The following SFXN1 variants were observed in gnomAD, a reference collection of about 807,000 sequenced individuals.
SFXN1 encodes the protein sideroflexin-1.
A neutral mutation model predicts 39.5 loss-of-function variants in SFXN1; 32 were observed. The observed-to-expected ratio is 0.81, with a 90% CI of 0.61 to 1.09. SFXN1 has a LOEUF of 1.09. Among genes scored for constraint, SFXN1 ranks in the 50% least tolerant of loss-of-function variants. SFXN1 has a pLI of 0.00. For synonymous variants in SFXN1, 136 were observed against 146.5 expected (o/e 0.93, Z 0.52); for missense variants, 402 against 407.1 (o/e 0.99, Z 0.11).
At chr5:175,515,023 C>T (rs1760673248) in intron 7 of SFXN1, among the ~76,000 whole-genome samples, 1 of 151,646 alleles carries the variant, frequency 6.6e-6, no homozygotes, top group South Asian at 2.1e-4. Context: ...TTGTTGTCGT[C>T]GTTGTTTTTG....
chr5:175,525,775 A>G (rs1421127802), intron 10 of SFXN1: 1 of 151,846 alleles, frequency 6.6e-6, no homozygotes, highest in Non-Finnish European at 1.5e-5. Context: ...CACCTGTCTT[A>G]TTTTTTATTT....
At chr5:175,507,836 G>A (rs753832041) in intron 2 of SFXN1, among the ~76,000 whole-genome samples, 5 of 152,120 alleles carry the variant, frequency 3.3e-5, no homozygotes, top group Non-Finnish European at 7.4e-5. Context: ...AACCAGGCAT[G>A]GTGGCGCATG....
chr5:175,481,838 T>C (rs928865694), intron 1 of SFXN1, among the ~76,000 whole-genome samples: 2 of 152,134 alleles, frequency 1.3e-5, no homozygotes, highest in African/African-American at 4.8e-5. Flanking sequence ...AACTCTCTGA[T>C]CTATAATTCG....
At position 175,512,097 on chromosome 5, in the gene SFXN1, T is replaced by C; in HGVS notation, c.511-14T>C. ...AAAAATAAGATAAAGCTCTTGAAAT[T>C]TTCTCCTCTGCAGCATGTCTCACCA... On this transcript the variant is annotated splice_polypyrimidine_tract_variant and intron_variant, in intron 5 of 10. Transcript: ENST00000321442. 1.2e-6 allele frequency: 2 copies of C among 1,610,618 alleles called. No homozygotes were observed. The highest frequency in any genetic ancestry group is 1.3e-5 in the African/African-American group (1 of 74,888).
At chr5:175,507,650 G>T (rs934812771) in intron 2 of SFXN1, among the ~76,000 whole-genome samples, 9 of 152,172 alleles carry the variant, frequency 5.9e-5, no homozygotes, top group Admixed American at 2.6e-4. Context: ...AAGAAGTAAA[G>T]AATGAGGCAC....
chr5:175,516,303 T>C (rs1760714532), intron 7 of SFXN1, among the ~76,000 whole-genome samples: 1 of 152,182 alleles, frequency 6.6e-6, no homozygotes, highest in South Asian at 2.1e-4. Context: ...TTTATTAATA[T>C]AGGAAGAAAA....
At chr5:175,490,157 C>T (rs941046317) in intron 1 of SFXN1, among the ~76,000 whole-genome samples, 4 of 152,170 alleles carry the variant, frequency 2.6e-5, no homozygotes. Flanking sequence ...GGATGTTTCA[C>T]TCTTCACGTT....
At chr5:175,495,977 A>G (rs2940486) in intron 2 of SFXN1, among the ~76,000 whole-genome samples, 65,477 of 142,228 alleles carry the variant, frequency 0.46, 16,886 homozygotes, top group African/African-American at 0.71. Flanking sequence ...CTCGGCTCAC[A>G]GCAACCTCCG....
At chr5:175,526,252 A>C (rs1321264865) in intron 10 of SFXN1, among the ~76,000 whole-genome samples, 1 of 151,470 alleles carries the variant, frequency 6.6e-6, no homozygotes, top group Non-Finnish European at 1.5e-5. Flanking sequence ...CTGATTGCAT[A>C]TCTCTTTTTT....
intron 8 of SFXN1, 168 bp from the exon 9 acceptor site, chr5:175,521,751 A>G (rs1200648237): frequency 5.7e-6 from 3 of 525,970 alleles, no homozygotes; most frequent in South Asian, 3.8e-5. Context: ...AAAGAAGGTT[A>G]CAGGAAGTTA....
At chr5:175,518,864 G>T (rs991512198) in intron 8 of SFXN1, among the ~76,000 whole-genome samples, 2 of 152,114 alleles carry the variant, frequency 1.3e-5, no homozygotes, top group East Asian at 1.9e-4. Flanking sequence ...AACACAAAAA[G>T]CACAGTCCAT....
Position 175,516,644 on chromosome 5 carries a change from A to T in SFXN1, c.755A>T (p.Glu252Val). ...AIPPFIMNTL[E>V]KKAFLKRFPW... ...CCTCCATTCATTATGAACACTTTGG[A>T]AAAGAAAGCCTTTTTGAAGGTAAGC... The change falls in exon 8 of 11, where the codon GAA (glutamate) becomes GTA (valine). Residue 252 changes from glutamate to valine, a missense_variant. Coordinates refer to ENST00000321442, the MANE Select transcript of SFXN1 (RefSeq NM_022754.7). 1 of 1,613,340 alleles carries T rather than the reference A, an allele frequency of 6.2e-7. No homozygotes were observed. The highest frequency in any genetic ancestry group is 8.5e-7 in the Non-Finnish European group (1 of 1,179,740).
chr5:175,511,982 C>A, intron 5 of SFXN1, 129 bp from the exon 6 acceptor site: 1 of 807,966 alleles, frequency 1.2e-6, no homozygotes, highest in Non-Finnish European at 1.9e-6. Flanking sequence ...GTTTTGAAAG[C>A]ATTCTTGGCC....
chr5:175,495,918 G>A (rs1177340559), intron 2 of SFXN1, among the ~76,000 whole-genome samples: 1 of 104,326 alleles, frequency 9.6e-6, no homozygotes, highest in Admixed American at 9.9e-5. Context: ...TTTTTTTTTT[G>A]AGACGGAGTT....
chr5:175,524,117 AAAAAAAAAATATATATATAT>A (rs1303408150), intron 10 of SFXN1: 3 of 53,446 alleles, frequency 5.6e-5, no homozygotes, highest in African/African-American at 2.9e-4. Flanking sequence ...AAAAAAAAAA[AAAAAAAAAATATATATATAT>A]ATATATATAT....
chr5:175,497,494 A>G (rs1458503076), intron 2 of SFXN1, among the ~76,000 whole-genome samples: 1 of 152,270 alleles, frequency 6.6e-6, no homozygotes, highest in Non-Finnish European at 1.5e-5. Context: ...GGAAATTACA[A>G]TTCTGGGCAA....
At position 175,490,248 on chromosome 5, in the gene SFXN1, C is replaced by CA. The variant is rs202130330; in HGVS notation, c.-9-1840dup. On this transcript the variant is annotated intron_variant, in intron 1 of 10. Coordinates refer to ENST00000321442, the MANE Select transcript of SFXN1 (RefSeq NM_022754.7). ...TCAGTGAGATAAGAAACAGTGGTCA[C>CA]AAAAAAAGAGAACTGTTAGGACACC... is the stretch of plus-strand genomic sequence containing the variant. Among the ~76,000 whole-genome samples the CA allele has an allele frequency of 4.8e-3, 731 of 152,106 alleles. 11 individuals carry two copies. The highest frequency in any genetic ancestry group is 0.017 in the African/African-American group (689 of 41,484).
chr5:175,511,595 C>A, intron 5 of SFXN1, 69 bp downstream of exon 5: 1 of 1,239,616 alleles, frequency 8.1e-7, no homozygotes, highest in Non-Finnish European at 1.2e-6. Context: ...CTAAATCCCT[C>A]TATTATTTCT....
intron 10 of SFXN1, chr5:175,522,628 C>T: frequency 2.1e-6 from 1 of 473,686 alleles, no homozygotes; most frequent in Non-Finnish European, 3.7e-6. Context: ...TTTCTACCCC[C>T]TTCCATTAAA....
Sources: allele counts gnomAD v4.1 joint callset (sites outside exome capture counted in the v4.1 genomes callset), GRCh38; gene constraint gnomAD v4.1.1; transcripts MANE v1.5; gene names NCBI Gene and HGNC (gene_info 2026-07-23, HGNC 2026-07-21).